Variants in SLC38A4 observed in about 807,000 individuals in gnomAD.
The protein encoded by SLC38A4 is sodium-coupled neutral amino acid transporter 4.
Under a neutral mutation model 63.1 loss-of-function variants are expected in SLC38A4, and 20 were observed. That is an observed-to-expected ratio of 0.32 (90% CI 0.22 to 0.46). The LOEUF (loss-of-function observed/expected upper bound fraction) is 0.46. Ranked by LOEUF, SLC38A4 falls within the 20% of genes least tolerant of loss-of-function variation. The pLI, the probability that SLC38A4 is intolerant of heterozygous loss-of-function variation, is 1.00. For missense variants in SLC38A4, 526 were observed against 663.6 expected (o/e 0.79, Z 2.28); for synonymous variants, 230 against 225.5 (o/e 1.02, Z -0.18).
intron 16 of SLC38A4, among the ~76,000 whole-genome samples, chr12:46,767,567 G>C (rs1938327013): frequency 6.6e-6 from 1 of 152,006 alleles, no homozygotes; most frequent in African/African-American, 2.4e-5. Flanking sequence ...CAAGCTGCTG[G>C]GTGGACCTTT....
intron 1 of SLC38A4, among the ~76,000 whole-genome samples, chr12:46,824,550 A>C (rs138694860): frequency 6.6e-6 from 1 of 152,362 alleles, no homozygotes; most frequent in Non-Finnish European, 1.5e-5. Flanking sequence ...AGAGTCAAAC[A>C]ACTGGAATGC....
At position 46,785,185 on chromosome 12, in the gene SLC38A4, G is replaced by C; in HGVS notation, c.327-8C>G. Reference sequence around the variant, plus strand: ...ACAGCAAGCAGCATGATTCTGCAAAGGGAAGAGAGAGTAGGTAATAAAGTT... The same window carrying C: ...ACAGCAAGCAGCATGATTCTGCAAACGGAAGAGAGAGTAGGTAATAAAGTT... On this transcript the variant is annotated splice_region_variant and splice_polypyrimidine_tract_variant and intron_variant, in intron 5 of 16. Transcript: ENST00000266579. 2 of 1,606,804 alleles carry C rather than the reference G, an allele frequency of 1.2e-6. No individual in the cohort carries two copies. The highest frequency in any genetic ancestry group is 1.3e-5 in the African/African-American group (1 of 74,794).
At chr12:46,767,720 T>C (rs1004617183) in intron 16 of SLC38A4, among the ~76,000 whole-genome samples, 1 of 152,164 alleles carries the variant, frequency 6.6e-6, no homozygotes, top group African/African-American at 2.4e-5. Flanking sequence ...ATTTCCTTAT[T>C]GGAAAAACAA....
At chr12:46,776,051 A>G (rs565574560) in intron 13 of SLC38A4, among the ~76,000 whole-genome samples, 9 of 152,102 alleles carry the variant, frequency 5.9e-5, no homozygotes, top group African/African-American at 2.2e-4. Flanking sequence ...ATGGTGGCCT[A>G]CTCCTGAATC....
chr12:46,783,020 A>G (rs1592180346), intron 7 of SLC38A4, among the ~76,000 whole-genome samples: 1 of 103,662 alleles, frequency 9.6e-6, no homozygotes, highest in African/African-American at 3.5e-5. Context: ...GAGAGAGAAA[A>G]TGTGTGTGTG....
chr12:46,804,490 G>A (rs980643634), intron 1 of SLC38A4, among the ~76,000 whole-genome samples: 2 of 151,982 alleles, frequency 1.3e-5, no homozygotes, highest in Non-Finnish European at 2.9e-5. Flanking sequence ...ATCAAGAATT[G>A]AGGGTTCTTT....
chr12:46,819,819 T>G (rs898627378), intron 1 of SLC38A4, among the ~76,000 whole-genome samples: 4 of 151,960 alleles, frequency 2.6e-5, no homozygotes, highest in Admixed American at 6.6e-5. Context: ...CATAGTTTTC[T>G]TGATAGTTCC....
intron 1 of SLC38A4, among the ~76,000 whole-genome samples, chr12:46,807,094 A>G (rs1358219844): frequency 1.3e-5 from 2 of 152,042 alleles, no homozygotes; most frequent in Non-Finnish European, 2.9e-5. Context: ...TTCTAATTTT[A>G]GTCATAGGAC....
intron 2 of SLC38A4, among the ~76,000 whole-genome samples, chr12:46,803,239 A>G (rs993871446): frequency 3.3e-5 from 5 of 152,058 alleles, no homozygotes; most frequent in Non-Finnish European, 7.4e-5. Context: ...CTGAACTTTC[A>G]TATTTTTTCC....
intron 7 of SLC38A4, among the ~76,000 whole-genome samples, chr12:46,783,227 T>TGATAGATA (rs66798597): frequency 0.02 from 2,823 of 143,786 alleles, 25 homozygotes; most frequent in Middle Eastern, 0.034. Flanking sequence ...AATTGATAGA[T>TGATAGATA]GATAGATAGA....
chr12:46,790,852 T>G (rs2120823605), intron 3 of SLC38A4, among the ~76,000 whole-genome samples: 1 of 152,278 alleles, frequency 6.6e-6, no homozygotes, highest in African/African-American at 2.4e-5. Context: ...TTATGTTGAA[T>G]TTCTCAAAAA....
intron 1 of SLC38A4, among the ~76,000 whole-genome samples, chr12:46,812,625 A>G (rs1939363086): frequency 6.6e-6 from 1 of 152,086 alleles, no homozygotes; most frequent in Non-Finnish European, 1.5e-5. Flanking sequence ...GGCAGCAGAA[A>G]AAATGTACAC....
intron 14 of SLC38A4, among the ~76,000 whole-genome samples, chr12:46,774,786 C>T (rs1938489803): frequency 6.6e-6 from 1 of 152,014 alleles, no homozygotes; most frequent in Admixed American, 6.6e-5. Context: ...AAGACAGAAG[C>T]TCCAGCTCCA....
At chr12:46,782,582 G>T (rs1938665971) in intron 7 of SLC38A4, among the ~76,000 whole-genome samples, 1 of 151,838 alleles carries the variant, frequency 6.6e-6, no homozygotes, top group Non-Finnish European at 1.5e-5. Context: ...TATTTATGCA[G>T]TGTTTTAGTT....
intron 1 of SLC38A4, among the ~76,000 whole-genome samples, chr12:46,813,025 G>A (rs1939370636): frequency 6.6e-6 from 1 of 151,790 alleles, no homozygotes; most frequent in Non-Finnish European, 1.5e-5. Flanking sequence ...TTCCATCAGT[G>A]AGTAATCTTT....
chr12:46,831,225 T>C (rs1268167135), intron 1 of SLC38A4, among the ~76,000 whole-genome samples: 1 of 152,154 alleles, frequency 6.6e-6, no homozygotes, highest in Non-Finnish European at 1.5e-5. Flanking sequence ...GCGCGCTGCC[T>C]GGGCGCACAG....
chr12:46,828,894 T>C (rs1374057944), upstream of SLC38A4, among the ~76,000 whole-genome samples: 1 of 152,242 alleles, frequency 6.6e-6, no homozygotes, highest in East Asian at 1.9e-4. Flanking sequence ...AAAGTGATTC[T>C]GTTTTTCCAT....
chr12:46,804,112 A>T (rs1276290258), intron 1 of SLC38A4, among the ~76,000 whole-genome samples: 1 of 152,044 alleles, frequency 6.6e-6, no homozygotes, highest in African/African-American at 2.4e-5. Context: ...TTACATAGTG[A>T]AAGAGTTATT....
At chr12:46,786,497 T>C (rs955729405) in intron 5 of SLC38A4, among the ~76,000 whole-genome samples, 3 of 152,044 alleles carry the variant, frequency 2.0e-5, no homozygotes, top group African/African-American at 4.8e-5. Context: ...GACTGTGGGA[T>C]TGGGGGAAGT....
Sources: allele counts gnomAD v4.1 joint callset (sites outside exome capture counted in the v4.1 genomes callset), GRCh38; gene constraint gnomAD v4.1.1; transcripts MANE v1.5; gene names NCBI Gene and HGNC (gene_info 2026-07-23, HGNC 2026-07-21).